Variants in GPRIN2 observed in about 807,000 individuals in gnomAD.
The protein encoded by GPRIN2 is G protein-regulated inducer of neurite outgrowth 2.
A neutral mutation model predicts 0.3 loss-of-function variants in GPRIN2; 1 was observed. That is an observed-to-expected ratio of 3.90 (90% CI 1.39 to 18.51). The LOEUF (loss-of-function observed/expected upper bound fraction) is 18.51, where lower values mean the gene tolerates loss of function less well. Among genes scored for constraint, GPRIN2 ranks in the 30% most tolerant of loss-of-function variants. GPRIN2 has a pLI of 0.11. For synonymous variants in GPRIN2, 361 were observed against 258.6 expected, an observed-to-expected ratio of 1.40 and a Z score of -3.80; for missense variants, 880 against 604.2, an observed-to-expected ratio of 1.46 and a Z score of -4.79.
chr10:46,550,740 T>C lies in GPRIN2; in HGVS notation c.-4A>G. ...GCTCGGGGCGGCTGGAGCTCATGGC[T>C]GCCTGCAGAAGAGAGAAAGGGAGGG... is the stretch of plus-strand genomic sequence containing the variant. On this transcript the variant is annotated splice_region_variant and 5_prime_UTR_variant, in exon 3 of 3. Transcript: ENST00000374314. The C allele has an allele frequency of 6.6e-7, 1 of 1,506,008 alleles. No individual in the cohort carries two copies. The allele number at this position is 1,506,008 out of a possible 1,614,324, so 93.3% of individuals were successfully genotyped here. A position where few individuals can be genotyped will look rare whatever the true frequency, so the allele number is the denominator to read the frequency against.
chr10:46,551,435 G>C (rs1305825108), intron 2 of GPRIN2: 1 of 985,536 alleles, frequency 1.0e-6, no homozygotes, highest in Non-Finnish European at 1.2e-6. Context: ...CAGGGGCAAG[G>C]AGAGGCCCCA....
rs1833010709 is a variant in GPRIN2, at chr10:46,544,028, A to G, written c.*5332T>C. On this transcript the variant is annotated 3_prime_UTR_variant, in exon 3 of 3. Transcript: ENST00000374314. ...TCTGCTTTATTATTCCCGTGTAGCC[A>G]CAGCAACAGAACTGGCCCCATGTCT... is the stretch of plus-strand genomic sequence containing the variant. 5.3e-4 allele frequency among the ~76,000 whole-genome samples: 80 copies of G among 152,352 alleles called. No individual in the cohort carries two copies. Among genetic ancestry groups the G allele is most frequent in the Middle Eastern group, 3.4e-3 (1 of 294 alleles).
chr10:46,549,272 G>A lies in GPRIN2; in HGVS notation c.*88C>T. 7.0e-7 allele frequency: 1 copy of A among 1,423,846 alleles called. No homozygotes were observed. 88.2% of individuals were successfully genotyped at this position (1,423,846 alleles called of 1,614,324 possible). On this transcript the variant is annotated 3_prime_UTR_variant, in exon 3 of 3. Coordinates refer to ENST00000374314, the MANE Select transcript of GPRIN2 (RefSeq NM_001385282.1). Reference sequence around the variant, plus strand: ...GAGAGATGTGCCCAGCTGCCGGTGGGTCCAGGGGGCACGGAGCCCCCACCG... The same window carrying A: ...GAGAGATGTGCCCAGCTGCCGGTGGATCCAGGGGGCACGGAGCCCCCACCG...
At position 46,541,917 on chromosome 10, in the gene GPRIN2, C is replaced by T. The variant is rs1206414148; in HGVS notation, c.*7443G>A. Among the ~76,000 whole-genome samples, 1 of 152,298 alleles carries T rather than the reference C, an allele frequency of 6.6e-6. No individual in the cohort carries two copies. Among genetic ancestry groups the T allele is most frequent in the Non-Finnish European group, 1.5e-5 (1 of 68,054 alleles). On this transcript the variant is annotated 3_prime_UTR_variant, in exon 3 of 3. Transcript: ENST00000374314. ...TCCACACCCCTGCTGGTTCCTGCCC[C>T]ACCCCTTCCCCCAGCCCAGGAGGCT...
Position 46,543,182 on chromosome 10 carries a change from A to G in GPRIN2, c.*6178T>C, listed in dbSNP as rs1301540680. ...GGAGAGAAAGGGCCTAGACCCATGT[A>G]AATCACAAATGCCAAGACCCAGACA... is the stretch of plus-strand genomic sequence containing the variant. On this transcript the variant is annotated 3_prime_UTR_variant, in exon 3 of 3. Coordinates refer to ENST00000374314, the MANE Select transcript of GPRIN2 (RefSeq NM_001385282.1). Among the ~76,000 whole-genome samples, 1 of 152,308 alleles carries G rather than the reference A, an allele frequency of 6.6e-6. No homozygotes were observed. The highest frequency in any genetic ancestry group is 1.9e-4 in the East Asian group (1 of 5,208).
chr10:46,554,158 A>G (rs1290050435), intron 2 of GPRIN2, among the ~76,000 whole-genome samples: 3 of 152,426 alleles, frequency 2.0e-5, no homozygotes, highest in East Asian at 1.9e-4. Context: ...TTTGTTAACA[A>G]TAATCTTCTC....
At position 46,549,665 on chromosome 10, in the gene GPRIN2, C is replaced by T; in HGVS notation, c.1072G>A (p.Ala358Thr). ...VATSPSLEAPAALHVFPEVTL... is the reference protein window; with the variant it reads ...VATSPSLEAPTALHVFPEVTL... ...ACCTCTGGGAACACATGCAGGGCTG[C>T]AGGCGCTTCCAGGGACGGACTGGTG... Residue 358 changes from alanine to threonine, a missense_variant, in exon 3 of 3, where the codon GCA becomes ACA. Transcript: ENST00000374314. 1 of 1,614,176 alleles carries T rather than the reference C, an allele frequency of 6.2e-7. No individual in the cohort carries two copies. The highest frequency in any genetic ancestry group is 8.5e-7 in the Non-Finnish European group (1 of 1,179,962).
Position 46,545,893 on chromosome 10 carries a change from C to T in GPRIN2, c.*3467G>A, listed in dbSNP as rs921190288. On this transcript the variant is annotated 3_prime_UTR_variant, in exon 3 of 3. Coordinates refer to ENST00000374314, the MANE Select transcript of GPRIN2 (RefSeq NM_001385282.1). ...GAAGATGATCAAGGCTTGTAACTTG[C>T]CCAAGATCACATGGCTATAGGTGTG... Among the ~76,000 whole-genome samples the T allele has an allele frequency of 2.0e-5, 3 of 152,310 alleles. No individual in the cohort carries two copies. The highest frequency in any genetic ancestry group is 7.2e-5 in the African/African-American group (3 of 41,486).
At chr10:46,556,197 G>T (rs1831846892) in intron 1 of GPRIN2, among the ~76,000 whole-genome samples, 1,946 of 150,624 alleles carry the variant, frequency 0.013, no homozygotes, top group Middle Eastern at 0.067. Context: ...AGGAAGAAGG[G>T]GAGAGGGAGG....
intron 2 of GPRIN2, among the ~76,000 whole-genome samples, chr10:46,552,635 G>A (rs1332680215): frequency 2.6e-5 from 4 of 152,312 alleles, no homozygotes; most frequent in Admixed American, 2.0e-4. Flanking sequence ...ATGATGGAAA[G>A]ATTCTACCCT....
rs1832079590 is a variant in GPRIN2, at chr10:46,552,979, C to T, written c.-7+1606G>A. Among the ~76,000 whole-genome samples the T allele has an allele frequency of 7.9e-5, 12 of 152,428 alleles. No individual in the cohort carries two copies. The East Asian group carries it at 9.6e-4, about 12-fold the overall frequency. On this transcript the variant is annotated intron_variant, in intron 2 of 2. Transcript: ENST00000374314. ...AGGAGGGCAATAAAGCCCGTAACAG[C>T]GATGATAATAACAGCTGCCAGGGCC...
At chr10:46,555,297 C>T (rs971546276) in intron 1 of GPRIN2, 10 of 154,352 alleles carry the variant, frequency 6.5e-5, no homozygotes, top group South Asian at 2.1e-4. Flanking sequence ...CTTATGTGTC[C>T]GGCAAAACCA....
rs1841930507 is a variant in GPRIN2 at position 46,543,861 on chromosome 10, C to G, written c.*5499G>C. 6.6e-6 allele frequency among the ~76,000 whole-genome samples: 1 copy of G among 152,298 alleles called. No individual in the cohort carries two copies. The highest frequency in any genetic ancestry group is 2.4e-5 in the African/African-American group (1 of 41,476). On this transcript the variant is annotated 3_prime_UTR_variant, in exon 3 of 3. Transcript: ENST00000374314. ...GCAGGAGTCCTGGAGAGTGACCGCA[C>G]AAGTGAGCAAAGGCGGCATTCACCC...
chr10:46,557,212 C>T (rs1053106458), upstream of GPRIN2, among the ~76,000 whole-genome samples: 21 of 152,294 alleles, frequency 1.4e-4, no homozygotes, highest in Non-Finnish European at 1.5e-4. Flanking sequence ...GGCCTGGTCT[C>T]CACTAGCCTC....
Position 46,545,826 on chromosome 10 carries a change from A to G in GPRIN2, c.*3534T>C, listed in dbSNP as rs970195409. On this transcript the variant is annotated 3_prime_UTR_variant, in exon 3 of 3. Coordinates refer to ENST00000374314, the MANE Select transcript of GPRIN2 (RefSeq NM_001385282.1). ...ATTCTATTTAATCTCCACACCAAGC[A>G]TGTGAAGGAGGCACCATTGTCATCC... 6.6e-6 allele frequency among the ~76,000 whole-genome samples: 1 copy of G among 152,308 alleles called. No homozygotes were observed. The highest frequency in any genetic ancestry group is 1.5e-5 in the Non-Finnish European group (1 of 68,056).
In GPRIN2 at chr10:46,545,438, C is replaced by T. The variant is rs1832945226; in HGVS notation, c.*3922G>A. On this transcript the variant is annotated 3_prime_UTR_variant, in exon 3 of 3. Transcript: ENST00000374314. ...TCACACCCTGCCTTGCCTTCTGCCCCTCCCTTAACTTGCTCTCCCCTCCCT... is the reference window on the plus strand; with the variant it reads ...TCACACCCTGCCTTGCCTTCTGCCCTTCCCTTAACTTGCTCTCCCCTCCCT... Among the ~76,000 whole-genome samples the T allele has an allele frequency of 2.0e-5, 3 of 152,426 alleles. No individual in the cohort carries two copies. In the South Asian group the frequency reaches 6.2e-4, roughly 32 times the overall value.
At position 46,543,571 on chromosome 10, in the gene GPRIN2, G is replaced by A. The variant is rs1841908365; in HGVS notation, c.*5789C>T. On this transcript the variant is annotated 3_prime_UTR_variant, in exon 3 of 3. Coordinates refer to ENST00000374314, the MANE Select transcript of GPRIN2 (RefSeq NM_001385282.1). ...GAAAGCACACTCTGTCTTTTCTCAG[G>A]AAAGCTGCAGGGAAATGAAAAGCTC... 6.6e-6 allele frequency among the ~76,000 whole-genome samples: 1 copy of A among 152,306 alleles called. No homozygotes were observed. Among genetic ancestry groups the A allele is most frequent in the Non-Finnish European group, 1.5e-5 (1 of 68,056 alleles).
rs1832846841 is a variant in GPRIN2 at position 46,547,490 on chromosome 10, A to G, written c.*1870T>C. 0.86 allele frequency among the ~76,000 whole-genome samples: 130,695 copies of G among 152,220 alleles called. 54,589 individuals are homozygous for G. The highest frequency in any genetic ancestry group is 0.95 in the East Asian group (4,932 of 5,194). On this transcript the variant is annotated 3_prime_UTR_variant, in exon 3 of 3. Transcript: ENST00000374314. ...CCACTGCAGAAACTCATTATGGCCC[A>G]GGCAGGACAGGCACATCCAAGTATC...
intron 2 of GPRIN2, among the ~76,000 whole-genome samples, chr10:46,553,120 C>T (rs1842797740): frequency 6.6e-6 from 1 of 152,310 alleles, no homozygotes; most frequent in African/African-American, 2.4e-5. Context: ...CAGGAGAATT[C>T]CATAAGCTCA....
Sources: gnomAD v4.1 joint callset for allele counts (sites outside exome capture counted in the v4.1 genomes callset) on GRCh38, gnomAD v4.1.1 for gene constraint, MANE v1.5 for transcripts, NCBI Gene and HGNC (gene_info 2026-07-23, HGNC 2026-07-21) for gene names.